The following FAM151B variants were observed in gnomAD, a reference collection of about 807,000 sequenced individuals.
FAM151B encodes protein FAM151B.
FAM151B carries 24 observed loss-of-function variants against 31.2 expected under a neutral mutation model. That is an observed-to-expected ratio of 0.77 (90% confidence interval 0.56 to 1.08). The LOEUF (loss-of-function observed/expected upper bound fraction) is 1.08, where lower values mean the gene tolerates loss of function less well. FAM151B is among the 50% of genes least tolerant of loss of function. The pLI, the probability that FAM151B is intolerant of heterozygous loss-of-function variation, is 0.00. For synonymous variants in FAM151B, 105 were observed against 111.4 expected (o/e 0.94, Z 0.36); for missense variants, 293 against 328.6 (o/e 0.89, Z 0.84).
At chr5:80,519,990 CAA>C in intron 4 of FAM151B, 80 bp downstream of exon 4, 1 of 1,322,710 alleles carries the variant, frequency 7.6e-7, no homozygotes, top group Non-Finnish European at 1.0e-6. Flanking sequence ...ATACAAAGAC[CAA>C]AACCCATTCT....
In FAM151B at chr5:80,538,521, C is replaced by CTTCCTTTCTTTTCTTTCT. The variant is rs1561384025; in HGVS notation, c.672-3146_672-3145insTCTTTTCTTTCTTTCCTT. Among the ~76,000 whole-genome samples, 200 of 55,718 alleles carry CTTCCTTTCTTTTCTTTCT rather than the reference C, an allele frequency of 3.6e-3. 2 individuals carry two copies. The highest frequency in any genetic ancestry group is 0.013 in the African/African-American group (83 of 6,370). 36.6% of individuals were successfully genotyped at this position (55,718 alleles called of 152,430 possible). A position where few individuals can be genotyped will look rare whatever the true frequency, so the allele number is the denominator to read the frequency against. On this transcript the variant is annotated intron_variant, in intron 5 of 5. Transcript: ENST00000282226. ...TTCCTTTCTTTTCTTTCTTTCCTTCCTTCCTTCCTTCCTTCCTTCCTTCCT... is the reference window on the plus strand; with the variant it reads ...TTCCTTTCTTTTCTTTCTTTCCTTCCTTCCTTTCTTTTCTTTCTTTCCTTCCTTCCTTCCTTCCTTCCT...
chr5:80,488,658 G>C (rs1042232087), intron 1 of FAM151B, among the ~76,000 whole-genome samples: 1 of 152,234 alleles, frequency 6.6e-6, no homozygotes, highest in Non-Finnish European at 1.5e-5. Flanking sequence ...TTCCGCTCTT[G>C]AAGGTTACAG....
At chr5:80,494,417 TTTTC>T (rs1252595510) in intron 1 of FAM151B, among the ~76,000 whole-genome samples, 4 of 152,150 alleles carry the variant, frequency 2.6e-5, no homozygotes, top group African/African-American at 7.2e-5. Context: ...TAACAGCAGA[TTTTC>T]TTTCTTTCTG....
intron 1 of FAM151B, among the ~76,000 whole-genome samples, chr5:80,491,478 C>G (rs186298601): frequency 2.6e-4 from 40 of 152,292 alleles, no homozygotes; most frequent in African/African-American, 8.7e-4. Flanking sequence ...CCGCCTCAGC[C>G]TCCCAAAGTG....
At chr5:80,528,406 A>C (rs140227550) in intron 5 of FAM151B, among the ~76,000 whole-genome samples, 48 of 152,268 alleles carry the variant, frequency 3.2e-4, no homozygotes, top group African/African-American at 1.1e-3. Flanking sequence ...ACTCTCTAAT[A>C]AAAGTCAGAG....
At chr5:80,492,502 T>G (rs1343291305) in intron 1 of FAM151B, among the ~76,000 whole-genome samples, 1 of 152,194 alleles carries the variant, frequency 6.6e-6, no homozygotes, top group Non-Finnish European at 1.5e-5. Context: ...GTGTTCAGAC[T>G]GCTTCACCAG....
At chr5:80,490,774 T>G (rs886642879) in intron 1 of FAM151B, among the ~76,000 whole-genome samples, 4 of 152,236 alleles carry the variant, frequency 2.6e-5, no homozygotes, top group African/African-American at 9.6e-5. Context: ...AAAAAAGGAA[T>G]TGCATGAAAC....
Position 80,523,899 on chromosome 5 carries a change from C to G in FAM151B, c.671+1761C>G, listed in dbSNP as rs139539204. 6.8e-3 allele frequency among the ~76,000 whole-genome samples: 1,031 copies of G among 152,232 alleles called. 8 individuals are homozygous for G. Among genetic ancestry groups the G allele is most frequent in the African/African-American group, 0.023 (967 of 41,564 alleles). On this transcript the variant is annotated intron_variant, in intron 5 of 5. Transcript: ENST00000282226. ...TTCTTAGTTACAAACAATTATGGGG[C>G]AACCCTCGTTGTTAAAGTATCCCGT...
chr5:80,522,242 T>A, intron 5 of FAM151B, 104 bp downstream of exon 5: 2 of 1,260,838 alleles, frequency 1.6e-6, no homozygotes, highest in South Asian at 3.5e-5. Context: ...GAGAGAAAGG[T>A]AGACAGAAAA....
At chr5:80,514,309 T>A (rs1003376318) in intron 3 of FAM151B, among the ~76,000 whole-genome samples, 3 of 151,878 alleles carry the variant, frequency 2.0e-5, no homozygotes, top group African/African-American at 7.3e-5. Context: ...ACGCCACCTC[T>A]ACTAAAAATA....
intron 5 of FAM151B, among the ~76,000 whole-genome samples, chr5:80,531,435 C>T (rs1231276299): frequency 1.3e-5 from 2 of 152,172 alleles, no homozygotes; most frequent in Non-Finnish European, 2.9e-5. Flanking sequence ...AAACTACCAT[C>T]AGAGTGAACA....
chr5:80,521,552 G>C (rs77821646), intron 4 of FAM151B, among the ~76,000 whole-genome samples: 8,600 of 152,204 alleles, frequency 0.057, 293 homozygotes, highest in Middle Eastern at 0.078. Context: ...TTGATTTGAT[G>C]TTAACTATCA....
intron 1 of FAM151B, among the ~76,000 whole-genome samples, chr5:80,495,892 C>A (rs1477660149): frequency 6.8e-6 from 1 of 147,310 alleles, no homozygotes; most frequent in Middle Eastern, 3.4e-3. Flanking sequence ...TAGAATGGAG[C>A]CTGAAGATGT....
chr5:80,540,760 T>C (rs1044680719), intron 5 of FAM151B, among the ~76,000 whole-genome samples: 1 of 152,212 alleles, frequency 6.6e-6, no homozygotes, highest in Non-Finnish European at 1.5e-5. Flanking sequence ...TAAAATTCTT[T>C]TTGGTTTCTA....
chr5:80,513,589 C>A lies in FAM151B; in HGVS notation c.152-15C>A. The A allele has an allele frequency of 6.2e-7, 1 of 1,602,678 alleles. No homozygotes were observed. Among genetic ancestry groups the A allele is most frequent in the Non-Finnish European group, 8.5e-7 (1 of 1,176,570 alleles). On this transcript the variant is annotated splice_polypyrimidine_tract_variant and intron_variant, in intron 2 of 5. Transcript: ENST00000282226. ...TGTTTTCTTAGCATTAACTGAAGTT[C>A]TTTTATTTGGACAGGTACTGCTCAC...
rs188931031 is a variant in FAM151B, at chr5:80,521,559, A to G, written c.536-444A>G. ...AAAGAAAATTGATTTGATGTTAACT[A>G]TCACTTAAACAGCTAGCATATACCC... On this transcript the variant is annotated intron_variant, in intron 4 of 5. Coordinates refer to ENST00000282226, the MANE Select transcript of FAM151B (RefSeq NM_205548.3). 8.2e-3 allele frequency among the ~76,000 whole-genome samples: 1,255 copies of G among 152,318 alleles called. 19 individuals carry two copies. The highest frequency in any genetic ancestry group is 0.027 in the African/African-American group (1,137 of 41,564).
intron 1 of FAM151B, among the ~76,000 whole-genome samples, chr5:80,495,818 G>T (rs1380909862): frequency 9.6e-6 from 1 of 104,306 alleles, no homozygotes; most frequent in Non-Finnish European, 1.7e-5. Flanking sequence ...GCGAAAGAGC[G>T]AGACTCCGTC....
chr5:80,525,810 C>G (rs1267370366), intron 5 of FAM151B, among the ~76,000 whole-genome samples: 2 of 151,846 alleles, frequency 1.3e-5, no homozygotes, highest in Non-Finnish European at 2.9e-5. Flanking sequence ...TATTTAAACA[C>G]CAAAACTACT....
chr5:80,540,444 G>T (rs1212948795), intron 5 of FAM151B, among the ~76,000 whole-genome samples: 2 of 152,090 alleles, frequency 1.3e-5, no homozygotes, highest in African/African-American at 4.8e-5. Flanking sequence ...AATAAAGAAG[G>T]TTAAAAAATG....
Sources: allele counts gnomAD v4.1 joint callset (sites outside exome capture counted in the v4.1 genomes callset), GRCh38; gene constraint gnomAD v4.1.1; transcripts MANE v1.5; gene names NCBI Gene and HGNC (gene_info 2026-07-23, HGNC 2026-07-21).